The following ZNF536 variants were observed in gnomAD, a reference collection of about 807,000 sequenced individuals.
The protein encoded by ZNF536 is zinc finger protein 536.
A neutral mutation model predicts 84.5 loss-of-function variants in ZNF536; 13 were observed. The ratio of observed to expected loss-of-function variants is 0.15; its 90% CI spans 0.10 to 0.24. The LOEUF is 0.24. Among genes scored for constraint, ZNF536 ranks in the 10% least tolerant of loss-of-function variants. The pLI is 1.00. For missense variants in ZNF536, 1,536 were observed against 1,747.5 expected (o/e 0.88, Z 2.16); for synonymous variants, 811 against 742.5 (o/e 1.09, Z -1.50).
intron 1 of ZNF536, among the ~76,000 whole-genome samples, chr19:30,613,535 A>G (rs1471948339): frequency 1.3e-5 from 2 of 152,284 alleles, no homozygotes; most frequent in Middle Eastern, 3.4e-3. Flanking sequence ...ATGACTGTCA[A>G]TATTTTGTTG....
chr19:30,346,225 C>T (rs896995624), intron 2 of ZNF536, among the ~76,000 whole-genome samples: 2 of 152,134 alleles, frequency 1.3e-5, no homozygotes, highest in South Asian at 2.1e-4. Context: ...AGCAACTGTG[C>T]TATTATCAGC....
chr19:30,337,175 G>A (rs1028775026), intron 2 of ZNF536, among the ~76,000 whole-genome samples: 5 of 152,132 alleles, frequency 3.3e-5, no homozygotes, highest in Non-Finnish European at 7.4e-5. Flanking sequence ...AAGGGAGACT[G>A]ATGGAAACCC....
At chr19:30,568,578 TA>T (rs898366557) in intron 1 of ZNF536, among the ~76,000 whole-genome samples, 30 of 149,166 alleles carry the variant, frequency 2.0e-4, no homozygotes, top group East Asian at 1.8e-3. Flanking sequence ...ATACTGCTAA[TA>T]AAAAAAAAAC....
intron 1 of ZNF536, among the ~76,000 whole-genome samples, chr19:30,236,641 T>C: frequency 6.6e-6 from 1 of 152,124 alleles, no homozygotes; most frequent in East Asian, 1.9e-4. Context: ...AAAAATGGAT[T>C]AAGGCTGCAA....
At chr19:30,604,796 G>A (rs544911898) in intron 1 of ZNF536, among the ~76,000 whole-genome samples, 1 of 152,132 alleles carries the variant, frequency 6.6e-6, no homozygotes. Context: ...CAGAGAGGGC[G>A]AGTGACTGGC....
intron 2 of ZNF536, among the ~76,000 whole-genome samples, chr19:30,285,496 G>T (rs933329515): frequency 1.3e-5 from 2 of 152,166 alleles, no homozygotes; most frequent in African/African-American, 4.8e-5. Flanking sequence ...TAATAAGGAA[G>T]GTGTGTTTTA....
At chr19:30,672,382 C>T (rs1022791383) in intron 1 of ZNF536, among the ~76,000 whole-genome samples, 8 of 152,180 alleles carry the variant, frequency 5.3e-5, no homozygotes, top group Non-Finnish European at 8.8e-5. Flanking sequence ...AGAATGCATG[C>T]GTTTGAAATA....
In ZNF536 at chr19:30,444,001, C is replaced by T. The variant is rs2148163979; in HGVS notation, c.439C>T (p.Leu147=). 2 of 1,613,802 alleles carry T rather than the reference C, an allele frequency of 1.2e-6. No homozygotes were observed. Among genetic ancestry groups the T allele is most frequent in the Non-Finnish European group, 1.7e-6 (2 of 1,180,024 alleles). ...KRFRFNSILS[L]HMRTHTGEKP... ...CTTCCGCTTCAACAGCATCCTCTCCCTGCACATGCGCACGCACACGGGCGA... is the reference window on the plus strand; with the variant it reads ...CTTCCGCTTCAACAGCATCCTCTCCTTGCACATGCGCACGCACACGGGCGA... Residue 147 remains leucine (L), a synonymous_variant, in exon 2 of 5, where the codon CTG becomes TTG. Transcript: ENST00000355537.
intron 1 of ZNF536, among the ~76,000 whole-genome samples, chr19:30,400,739 C>T (rs1293867564): frequency 1.3e-5 from 2 of 152,070 alleles, no homozygotes. Context: ...CCTGAGAGTT[C>T]TTTCTACATA....
At chr19:30,274,564 T>A (rs1038504997) in intron 1 of ZNF536, among the ~76,000 whole-genome samples, 4 of 152,258 alleles carry the variant, frequency 2.6e-5, no homozygotes, top group Non-Finnish European at 4.4e-5. Context: ...GCTACCAGCT[T>A]GGACAGTGCA....
chr19:30,566,927 G>A (rs954237757), intron 1 of ZNF536, among the ~76,000 whole-genome samples: 1 of 151,946 alleles, frequency 6.6e-6, no homozygotes, highest in East Asian at 1.9e-4. Flanking sequence ...GCCTCTCTGG[G>A]CAGTGGAGGG....
At chr19:30,503,819 G>T (rs545409486) in intron 2 of ZNF536, among the ~76,000 whole-genome samples, 4 of 151,914 alleles carry the variant, frequency 2.6e-5, no homozygotes, top group African/African-American at 9.6e-5. Flanking sequence ...TCCCCTCTTT[G>T]CAGGCCACCT....
At chr19:30,523,755 G>A (rs1458184835) in intron 2 of ZNF536, among the ~76,000 whole-genome samples, 3 of 152,268 alleles carry the variant, frequency 2.0e-5, no homozygotes, top group Middle Eastern at 3.4e-3. Context: ...AGTCAGGGCT[G>A]GAGTGCCAAG....
intron 2 of ZNF536, among the ~76,000 whole-genome samples, chr19:30,341,417 C>T (rs568925621): frequency 9.2e-5 from 14 of 152,312 alleles, no homozygotes; most frequent in African/African-American, 3.4e-4. Context: ...GAAATCATTT[C>T]CTTTTCTTAA....
chr19:30,676,247 G>A (rs1251819603), intron 1 of ZNF536, among the ~76,000 whole-genome samples: 1 of 152,138 alleles, frequency 6.6e-6, no homozygotes, highest in Non-Finnish European at 1.5e-5. Context: ...GGTGCTCATG[G>A]GAAATGATTT....
At chr19:30,254,601 A>T (rs2024811688) in intron 1 of ZNF536, among the ~76,000 whole-genome samples, 1 of 151,292 alleles carries the variant, frequency 6.6e-6, no homozygotes, top group South Asian at 2.1e-4. Context: ...AAAAAAAAAA[A>T]ATCATCCAAA....
chr19:30,443,914 A>T lies in ZNF536; in HGVS notation c.352A>T (p.Ser118Cys), dbSNP rs573585108. Residue 118 changes from serine to cysteine, a missense_variant, in exon 2 of 5, where the codon AGC (serine) becomes TGC (cysteine). Coordinates refer to ENST00000355537, the MANE Select transcript of ZNF536 (RefSeq NM_014717.3). ...GQNLGIMSQM[S>C]DIEDDARKNR... ...GAACCTGGGCATCATGTCCCAGATG[A>T]GCGACATCGAGGACGACGCCCGCAA... 17 of 1,613,612 alleles carry T rather than the reference A, an allele frequency of 1.1e-5. No individual in the cohort carries two copies. The South Asian group carries it at 1.8e-4, about 17-fold the overall frequency.
chr19:30,416,665 G>A (rs999521973), intron 1 of ZNF536, among the ~76,000 whole-genome samples: 27 of 152,114 alleles, frequency 1.8e-4, no homozygotes, highest in Admixed American at 5.2e-4. Flanking sequence ...AGACTCAGGT[G>A]CTCACCTTCC....
At chr19:30,266,214 A>G (rs2025504728) in intron 1 of ZNF536, among the ~76,000 whole-genome samples, 1 of 152,038 alleles carries the variant, frequency 6.6e-6, no homozygotes, top group South Asian at 2.1e-4. Context: ...ATGCCTGGCT[A>G]ATTTTTAATT....
Sources: allele counts gnomAD v4.1 joint callset (sites outside exome capture counted in the v4.1 genomes callset), GRCh38; gene constraint gnomAD v4.1.1; transcripts MANE v1.5; gene names NCBI Gene and HGNC (gene_info 2026-07-23, HGNC 2026-07-21).